CHST11: variants seen among roughly 807,000 people sequenced by gnomAD.
CHST11 encodes C4S-1.
In CHST11, 9 loss-of-function variants were observed where a neutral mutation model predicts 30.4. The observed-to-expected ratio is 0.30, with a 90% CI of 0.18 to 0.52. CHST11 has a LOEUF of 0.52. CHST11 is among the 20% of genes least tolerant of loss of function. CHST11 has a pLI of 0.97. For synonymous variants in CHST11, 152 were observed against 187.8 expected (o/e 0.81, Z 1.56); for missense variants, 348 against 460.6 (o/e 0.76, Z 2.24).
chr12:104,562,149 G>C (rs573352385), intron 1 of CHST11, among the ~76,000 whole-genome samples: 1 of 152,100 alleles, frequency 6.6e-6, no homozygotes, highest in Non-Finnish European at 1.5e-5. Context: ...TCTGGTTGGT[G>C]TTGTTCCTAG....
chr12:104,576,763 G>A (rs376084263), intron 1 of CHST11, among the ~76,000 whole-genome samples: 1 of 152,086 alleles, frequency 6.6e-6, no homozygotes, highest in South Asian at 2.1e-4. Flanking sequence ...CAGATTTCTG[G>A]GCCTCGAGAT....
intron 2 of CHST11, among the ~76,000 whole-genome samples, chr12:104,724,111 G>A (rs997677416): frequency 3.9e-5 from 6 of 152,202 alleles, no homozygotes; most frequent in Admixed American, 2.0e-4. Context: ...AGGGAAAAGA[G>A]CAGTAGTGTG....
chr12:104,513,992 C>A, intron 1 of CHST11: 1 of 704,906 alleles, frequency 1.4e-6, no homozygotes, highest in Non-Finnish European at 2.6e-6. Context: ...GTGGGCTTAG[C>A]AGGGGCTGCA....
intron 1 of CHST11, among the ~76,000 whole-genome samples, chr12:104,480,595 A>T (rs921114470): frequency 2.0e-4 from 29 of 148,674 alleles, no homozygotes; most frequent in Admixed American, 1.8e-3. Context: ...AAAAAAAAAA[A>T]AAGATGAAGT....
chr12:104,717,387 G>T (rs546689680), intron 2 of CHST11, among the ~76,000 whole-genome samples: 2 of 152,206 alleles, frequency 1.3e-5, no homozygotes, highest in Non-Finnish European at 2.9e-5. Context: ...GGTCTTCATG[G>T]TATCTCTTTC....
chr12:104,518,672 A>G (rs972760904), intron 1 of CHST11, among the ~76,000 whole-genome samples: 2 of 152,228 alleles, frequency 1.3e-5, no homozygotes, highest in African/African-American at 4.8e-5. Flanking sequence ...TCAGGTAATG[A>G]GACAGGATTT....
At chr12:104,524,619 C>T (rs1242724215) in intron 1 of CHST11, among the ~76,000 whole-genome samples, 1 of 152,084 alleles carries the variant, frequency 6.6e-6, no homozygotes, top group Non-Finnish European at 1.5e-5. Context: ...CCCATCCACT[C>T]ATCCATCCGT....
chr12:104,603,398 A>C (rs2038975259), intron 2 of CHST11, among the ~76,000 whole-genome samples: 1 of 152,226 alleles, frequency 6.6e-6, no homozygotes, highest in Non-Finnish European at 1.5e-5. Flanking sequence ...ATATGGTGTC[A>C]TGGGAAAAGC....
chr12:104,531,766 A>G (rs2038187529), intron 1 of CHST11, among the ~76,000 whole-genome samples: 1 of 152,098 alleles, frequency 6.6e-6, no homozygotes. Flanking sequence ...ATGTTCTCCC[A>G]GCACTGATCT....
intron 1 of CHST11, among the ~76,000 whole-genome samples, chr12:104,574,939 C>T (rs1017756728): frequency 2.6e-5 from 4 of 151,700 alleles, no homozygotes; most frequent in African/African-American, 7.3e-5. Context: ...TGCCTGTAAT[C>T]CCAGGTCTTT....
chr12:104,674,987 A>C (rs1373839901), intron 2 of CHST11, among the ~76,000 whole-genome samples: 2 of 152,216 alleles, frequency 1.3e-5, no homozygotes, highest in Non-Finnish European at 2.9e-5. Context: ...TGACTTGAAA[A>C]ATAAAATACA....
intron 1 of CHST11, among the ~76,000 whole-genome samples, chr12:104,497,103 A>G (rs1021934844): frequency 6.6e-6 from 1 of 152,308 alleles, no homozygotes; most frequent in South Asian, 2.1e-4. Context: ...CTATACCTCA[A>G]AGGACAGATA....
rs1478156616 is a variant in CHST11 at position 104,761,372 on chromosome 12, A to G, written c.*3569A>G. The G allele has an allele frequency of 6.6e-6, 1 of 151,900 alleles. No homozygotes were observed. The highest frequency in any genetic ancestry group is 1.5e-5 in the Non-Finnish European group (1 of 68,066). 9.4% of individuals were successfully genotyped at this position (151,900 alleles called of 1,614,324 possible). ...CAGAGCAAAGTGTGCGGGTCCCACA[A>G]ATGCTTGGCTGGTGGGGTCTGGATC... On this transcript the variant is annotated 3_prime_UTR_variant, in exon 3 of 3. Transcript: ENST00000303694.
chr12:104,629,243 C>T (rs1225625347), intron 2 of CHST11, among the ~76,000 whole-genome samples: 1 of 152,176 alleles, frequency 6.6e-6, no homozygotes, highest in Admixed American at 6.5e-5. Context: ...TTAAATCCCA[C>T]AGTTTTGATG....
chr12:104,554,776 T>C (rs2038438892), intron 1 of CHST11, among the ~76,000 whole-genome samples: 1 of 152,268 alleles, frequency 6.6e-6, no homozygotes, highest in Admixed American at 6.5e-5. Flanking sequence ...CAGCACTAGC[T>C]GCCCTCAGAG....
intron 2 of CHST11, among the ~76,000 whole-genome samples, chr12:104,689,927 T>C (rs1237893901): frequency 6.6e-6 from 1 of 152,190 alleles, no homozygotes. Context: ...ATTTTTTTTT[T>C]ACTTAAAACC....
chr12:104,478,179 T>G (rs1324663971), intron 1 of CHST11, among the ~76,000 whole-genome samples: 1 of 152,132 alleles, frequency 6.6e-6, no homozygotes, highest in Non-Finnish European at 1.5e-5. Context: ...TTGCTGATCG[T>G]TACACACACA....
intron 2 of CHST11, among the ~76,000 whole-genome samples, chr12:104,706,462 G>GGAGAGA (rs150610226): frequency 1.2e-4 from 17 of 145,350 alleles, no homozygotes; most frequent in Admixed American, 1.1e-3. Flanking sequence ...GGATGGAGAG[G>GGAGAGA]GAGAGAGAGA....
intron 2 of CHST11, among the ~76,000 whole-genome samples, chr12:104,608,674 T>A (rs2039029751): frequency 6.6e-6 from 1 of 152,214 alleles, no homozygotes; most frequent in Admixed American, 6.5e-5. Flanking sequence ...ATGCAGGACA[T>A]AACCCATTAT....
Sources: gnomAD v4.1 joint callset for allele counts (sites outside exome capture counted in the v4.1 genomes callset) on GRCh38, gnomAD v4.1.1 for gene constraint, MANE v1.5 for transcripts, NCBI Gene and HGNC (gene_info 2026-07-23, HGNC 2026-07-21) for gene names.